Variants in ANKRD30B observed in about 807,000 individuals in gnomAD.
ANKRD30B encodes ankyrin repeat domain-containing protein 30B.
In ANKRD30B, 144 loss-of-function variants were observed where a neutral mutation model predicts 202.2. The observed-to-expected ratio is 0.71, with a 90% CI of 0.62 to 0.82. The LOEUF is 0.82. ANKRD30B is among the 40% of genes least tolerant of loss of function. The probability of loss-of-function intolerance (pLI) is 0.00; values close to 1 mark genes in which losing one functional copy is unlikely to be tolerated. For synonymous variants in ANKRD30B, 508 were observed against 561.3 expected (o/e 0.91, Z 1.34); for missense variants, 1,487 against 1,669.1 (o/e 0.89, Z 1.90).
chr18:14,837,413 G>C lies in ANKRD30B; in HGVS notation c.2926+124G>C, dbSNP rs565288134. 229 of 928,782 alleles carry C rather than the reference G, an allele frequency of 2.5e-4. No homozygotes were observed. The African/African-American group carries it at 3.5e-3, about 14-fold the overall frequency. 57.5% of individuals were successfully genotyped at this position (928,782 alleles called of 1,614,324 possible). ...ACAATTTTTTAGCCCAAAATACAAT[G>C]TCTACTTAAAAAAGTACATTTTGAT... is the stretch of plus-strand genomic sequence containing the variant. On this transcript the variant is annotated intron_variant, in intron 35 of 43. Transcript: ENST00000690538.
At chr18:14,902,258 T>C in the ANKRD30B span, among the ~76,000 whole-genome samples, 1 of 152,048 alleles carries the variant, frequency 6.6e-6, no homozygotes, top group Non-Finnish European at 1.5e-5. Context: ...AGCCAAACCA[T>C]ATTACAAGGT....
the ANKRD30B span, among the ~76,000 whole-genome samples, chr18:14,894,663 A>G: frequency 6.6e-6 from 1 of 151,760 alleles, no homozygotes; most frequent in Non-Finnish European, 1.5e-5. Context: ...TAGTATCAAC[A>G]AAGAAAAAAA....
At chr18:14,772,697 A>G (rs932360079) in intron 9 of ANKRD30B, among the ~76,000 whole-genome samples, 1 of 142,932 alleles carries the variant, frequency 7.0e-6, no homozygotes, top group African/African-American at 2.6e-5. Context: ...ACTGTGCCAC[A>G]TAGCATATAG....
intron 39 of ANKRD30B, among the ~76,000 whole-genome samples, chr18:14,847,826 A>G: frequency 6.6e-6 from 1 of 151,940 alleles, no homozygotes; most frequent in Non-Finnish European, 1.5e-5. Flanking sequence ...CTATGTGAGC[A>G]CCAGGTGTGA....
chr18:14,809,648 G>T (rs1969790888), intron 26 of ANKRD30B, among the ~76,000 whole-genome samples: 1 of 150,870 alleles, frequency 6.6e-6, no homozygotes, highest in Admixed American at 6.6e-5. Flanking sequence ...CTCCCTGACT[G>T]CACGTCCATT....
At chr18:14,939,624 AC>A in the ANKRD30B span, among the ~76,000 whole-genome samples, 2 of 152,258 alleles carry the variant, frequency 1.3e-5, no homozygotes, top group Non-Finnish European at 2.9e-5. Context: ...TCAATGGCCC[AC>A]GGGACATGTA....
rs779605760 is a variant in ANKRD30B, at chr18:14,763,873, T to C, written c.1008T>C (p.Pro336=). 9 of 1,612,542 alleles carry C rather than the reference T, an allele frequency of 5.6e-6. No individual in the cohort carries two copies. Among genetic ancestry groups the C allele is most frequent in the East Asian group, 4.5e-5 (2 of 44,820 alleles). The change falls in exon 7 of 44, where the codon CCT becomes CCC. Residue 336 remains proline (P), a synonymous_variant. Transcript: ENST00000690538. ...GKFEQSTEET[P]RKILRPTKET... ...TTGAACAGTCAACAGAAGAAACACC[T>C]AGGAAAATTTTGAGGCCTACAAAAG... is the stretch of plus-strand genomic sequence containing the variant.
chr18:14,797,393 C>G (rs774846842), intron 18 of ANKRD30B, among the ~76,000 whole-genome samples: 1 of 152,142 alleles, frequency 6.6e-6, no homozygotes, highest in Non-Finnish European at 1.5e-5. Context: ...GCAGTCCAAC[C>G]TGGCATTGTC....
the ANKRD30B span, among the ~76,000 whole-genome samples, chr18:14,913,193 G>A: frequency 2.0e-5 from 3 of 152,342 alleles, no homozygotes; most frequent in African/African-American, 7.2e-5. Context: ...GAAGCTTTCA[G>A]TGAGCTCAGT....
At chr18:14,855,986 C>T (rs1412191994), downstream of ANKRD30B, among the ~76,000 whole-genome samples, 10 of 144,424 alleles carry the variant, frequency 6.9e-5, no homozygotes, top group South Asian at 2.2e-4. Flanking sequence ...TGGGCAAAGG[C>T]GCTCCTCACC....
the ANKRD30B span, among the ~76,000 whole-genome samples, chr18:14,928,580 C>T: frequency 2.0e-5 from 3 of 152,154 alleles, no homozygotes; most frequent in Admixed American, 6.5e-5. Flanking sequence ...TCCTGTTCTC[C>T]GGCCTTGGAA....
chr18:14,932,822 G>C, the ANKRD30B span, among the ~76,000 whole-genome samples: 2 of 152,172 alleles, frequency 1.3e-5, no homozygotes, highest in African/African-American at 4.8e-5. Flanking sequence ...CAGCATTCAA[G>C]CTCCTCCCTG....
At chr18:14,921,870 G>A in the ANKRD30B span, among the ~76,000 whole-genome samples, 3 of 144,248 alleles carry the variant, frequency 2.1e-5, no homozygotes, top group Non-Finnish European at 4.6e-5. Flanking sequence ...TTGTGGATAA[G>A]GGAAAAAGGG....
At chr18:14,757,182 G>T (rs1286703918) in intron 4 of ANKRD30B, among the ~76,000 whole-genome samples, 1 of 152,162 alleles carries the variant, frequency 6.6e-6, no homozygotes, top group Non-Finnish European at 1.5e-5. Flanking sequence ...ATGATAAAGA[G>T]AAAAGAGATA....
intron 7 of ANKRD30B, among the ~76,000 whole-genome samples, chr18:14,766,487 A>AT (rs1259231955): frequency 6.7e-6 from 1 of 148,180 alleles, no homozygotes; most frequent in Non-Finnish European, 1.5e-5. Context: ...AAAAAAAAAA[A>AT]AAAAAAAAAA....
chr18:14,809,778 G>C (rs964354005), intron 26 of ANKRD30B, among the ~76,000 whole-genome samples: 8 of 150,988 alleles, frequency 5.3e-5, no homozygotes, highest in African/African-American at 1.7e-4. Context: ...CAGGAGCATT[G>C]CATCTTTCAT....
At chr18:14,879,183 T>A in the ANKRD30B span, among the ~76,000 whole-genome samples, 4 of 152,114 alleles carry the variant, frequency 2.6e-5, no homozygotes, top group Non-Finnish European at 5.9e-5. Flanking sequence ...ATCCTTCCAG[T>A]TTGCAGCCCT....
chr18:14,824,227 A>T (rs1970575233), intron 32 of ANKRD30B, among the ~76,000 whole-genome samples: 1 of 152,206 alleles, frequency 6.6e-6, no homozygotes, highest in African/African-American at 2.4e-5. Flanking sequence ...GCTGTCTTTC[A>T]TAGCCACTGA....
rs1277294643 is a variant in ANKRD30B at position 14,853,960 on chromosome 18, A to G, written c.*33+17A>G. The stretch of plus-strand genomic sequence containing the variant: ...ATCTCAAAGGTGAGATACAGGATTT[A>G]ATGAGGAAATGATTTCAAATCAAAA... On this transcript the variant is annotated intron_variant, in intron 43 of 43. Coordinates refer to ENST00000690538, the MANE Select transcript of ANKRD30B (RefSeq NM_001367607.2). Among the ~76,000 whole-genome samples, 1 of 152,194 alleles carries G rather than the reference A, an allele frequency of 6.6e-6. No homozygotes were observed. Among genetic ancestry groups the G allele is most frequent in the Non-Finnish European group, 1.5e-5 (1 of 68,036 alleles).
Sources: gnomAD v4.1 joint callset for allele counts (sites outside exome capture counted in the v4.1 genomes callset) on GRCh38, gnomAD v4.1.1 for gene constraint, MANE v1.5 for transcripts, NCBI Gene and HGNC (gene_info 2026-07-23, HGNC 2026-07-21) for gene names.